The following PLCB1 variants were observed in gnomAD, a reference collection of about 807,000 sequenced individuals.
The protein encoded by PLCB1 is phospholipase C beta 1.
Under a neutral mutation model 161.8 loss-of-function variants are expected in PLCB1, and 46 were observed. That is an observed-to-expected ratio of 0.28 (90% CI 0.22 to 0.36). The LOEUF is 0.36. PLCB1 is among the 10% of genes least tolerant of loss of function. The probability of loss-of-function intolerance (pLI) is 1.00; values close to 1 mark genes in which losing one functional copy is unlikely to be tolerated. For synonymous variants in PLCB1, 517 were observed against 503.7 expected (o/e 1.03, Z -0.35); for missense variants, 1,016 against 1,472.5 (o/e 0.69, Z 5.07).
chr20:8,659,875 C>T (rs1248925636), intron 9 of PLCB1, among the ~76,000 whole-genome samples: 4 of 151,458 alleles, frequency 2.6e-5, no homozygotes, highest in Admixed American at 6.6e-5. Context: ...GCCTGTAGTC[C>T]CGGCTACTCA....
chr20:8,539,769 T>C (rs944718743), intron 3 of PLCB1, among the ~76,000 whole-genome samples: 13 of 145,548 alleles, frequency 8.9e-5, no homozygotes, highest in African/African-American at 3.3e-4. Flanking sequence ...TCCTTCCTTC[T>C]TTCCTTCCTT....
At chr20:8,491,203 T>A (rs1336568619) in intron 3 of PLCB1, among the ~76,000 whole-genome samples, 2 of 152,062 alleles carry the variant, frequency 1.3e-5, no homozygotes, top group African/African-American at 4.8e-5. Context: ...TTAGGTCTTA[T>A]AAAAAATATT....
chr20:8,195,577 T>C (rs6118100), intron 2 of PLCB1, among the ~76,000 whole-genome samples: 4,114 of 152,160 alleles, frequency 0.027, 194 homozygotes, highest in African/African-American at 0.091. Context: ...TTAACATTGG[T>C]ACAATACTGT....
chr20:8,723,290 G>A (rs1979748356), intron 15 of PLCB1, among the ~76,000 whole-genome samples: 1 of 152,100 alleles, frequency 6.6e-6, no homozygotes, highest in South Asian at 2.1e-4. Context: ...GATTTCAATT[G>A]TGTATAATTT....
intron 3 of PLCB1, among the ~76,000 whole-genome samples, chr20:8,505,077 GT>G (rs1311645427): frequency 6.6e-6 from 1 of 152,090 alleles, no homozygotes; most frequent in African/African-American, 2.4e-5. Context: ...GTCCAGGATG[GT>G]CTCAAACTCC....
At chr20:8,787,092 G>C (rs1270391406) in intron 27 of PLCB1, among the ~76,000 whole-genome samples, 1 of 152,184 alleles carries the variant, frequency 6.6e-6, no homozygotes, top group Non-Finnish European at 1.5e-5. Context: ...GCTAAAGACG[G>C]GTTCCTTGTC....
intron 2 of PLCB1, among the ~76,000 whole-genome samples, chr20:8,193,976 T>C (rs1855049489): frequency 6.6e-6 from 1 of 151,986 alleles, no homozygotes; most frequent in South Asian, 2.1e-4. Context: ...ATCTTGGCAA[T>C]GAGGGGACCT....
At chr20:8,348,216 C>G (rs1414753134) in intron 2 of PLCB1, among the ~76,000 whole-genome samples, 1 of 152,180 alleles carries the variant, frequency 6.6e-6, no homozygotes, top group Non-Finnish European at 1.5e-5. Context: ...ATCAGTGACT[C>G]CACTGTCTTT....
intron 3 of PLCB1, among the ~76,000 whole-genome samples, chr20:8,496,659 G>T: frequency 6.6e-6 from 1 of 152,088 alleles, no homozygotes; most frequent in East Asian, 1.9e-4. Flanking sequence ...TGCTTTTTTG[G>T]CATGGAGTTG....
At chr20:8,741,244 C>T (rs1254696583) in intron 22 of PLCB1, among the ~76,000 whole-genome samples, 2 of 152,088 alleles carry the variant, frequency 1.3e-5, no homozygotes, top group Admixed American at 6.6e-5. Flanking sequence ...AACCCTTGTC[C>T]ATGTTCAAAG....
chr20:8,446,374 A>C (rs1479104618), intron 3 of PLCB1, among the ~76,000 whole-genome samples: 2 of 152,122 alleles, frequency 1.3e-5, no homozygotes, highest in Non-Finnish European at 2.9e-5. Context: ...TGTTTTAAAA[A>C]CTCTCAATAA....
At chr20:8,384,104 C>T (rs1987346093) in intron 3 of PLCB1, among the ~76,000 whole-genome samples, 1 of 152,158 alleles carries the variant, frequency 6.6e-6, no homozygotes, top group African/African-American at 2.4e-5. Flanking sequence ...TGGATGATAT[C>T]CTGAAGTGTG....
At chr20:8,244,357 T>C (rs1387404695) in intron 2 of PLCB1, among the ~76,000 whole-genome samples, 7 of 151,926 alleles carry the variant, frequency 4.6e-5, no homozygotes, top group Admixed American at 3.9e-4. Flanking sequence ...ATTGGATAGA[T>C]AAACAAATTG....
chr20:8,446,551 C>G (rs954465747), intron 3 of PLCB1, among the ~76,000 whole-genome samples: 13 of 152,208 alleles, frequency 8.5e-5, no homozygotes, highest in African/African-American at 2.9e-4. Flanking sequence ...GTTGGAAGTT[C>G]TGGCCAGGGC....
intron 31 of PLCB1, among the ~76,000 whole-genome samples, chr20:8,881,221 G>A (rs1468628970): frequency 3.3e-5 from 5 of 151,870 alleles, no homozygotes; most frequent in Non-Finnish European, 7.4e-5. Context: ...TTAAACTCCT[G>A]ACCTCAAGCA....
At chr20:8,532,847 TC>T (rs1034698295) in intron 3 of PLCB1, among the ~76,000 whole-genome samples, 11 of 152,110 alleles carry the variant, frequency 7.2e-5, no homozygotes, top group African/African-American at 2.7e-4. Context: ...TTTTTTTTCT[TC>T]CTTTTTATTT....
At chr20:8,383,109 ATCTG>A (rs1220372504) in intron 3 of PLCB1, among the ~76,000 whole-genome samples, 1 of 145,520 alleles carries the variant, frequency 6.9e-6, no homozygotes, top group Non-Finnish European at 1.5e-5. Flanking sequence ...TGTCTCATTG[ATCTG>A]TCTAATATTG....
chr20:8,510,224 G>A (rs1315673618), intron 3 of PLCB1, among the ~76,000 whole-genome samples: 1 of 152,138 alleles, frequency 6.6e-6, no homozygotes, highest in Non-Finnish European at 1.5e-5. Flanking sequence ...ACTATAACAA[G>A]GAGCTTGTTT....
At chr20:8,844,890 C>T (rs901763597) in intron 31 of PLCB1, among the ~76,000 whole-genome samples, 1 of 152,030 alleles carries the variant, frequency 6.6e-6, no homozygotes, top group African/African-American at 2.4e-5. Context: ...GCGGGCGGAT[C>T]ACGAGATCAG....
Sources: allele counts gnomAD v4.1 joint callset (sites outside exome capture counted in the v4.1 genomes callset), GRCh38; gene constraint gnomAD v4.1.1; transcripts MANE v1.5; gene names NCBI Gene and HGNC (gene_info 2026-07-23, HGNC 2026-07-21).